Variants in GNPDA1 observed in about 807,000 individuals in gnomAD.
GNPDA1 encodes glucosamine-6-phosphate deaminase 1.
Under a neutral mutation model 28.5 loss-of-function variants are expected in GNPDA1, and 24 were observed. That is an observed-to-expected ratio of 0.84 (90% CI 0.61 to 1.19). The LOEUF is 1.19. Ranked by LOEUF, GNPDA1 falls within the 50% of genes most tolerant of loss-of-function variation. The pLI, the probability that GNPDA1 is intolerant of heterozygous loss-of-function variation, is 0.00. For synonymous variants in GNPDA1, 147 were observed against 139.3 expected, an observed-to-expected ratio of 1.06 and a Z score of -0.39; for missense variants, 264 against 367.3, an observed-to-expected ratio of 0.72 and a Z score of 2.30.
At chr5:142,004,819 T>C in intron 5 of GNPDA1, 113 bp downstream of exon 5, 1 of 663,766 alleles carries the variant, frequency 1.5e-6, no homozygotes, top group Non-Finnish European at 2.4e-6. Flanking sequence ...ATTTTAGCCT[T>C]ATTTACCATG....
At chr5:142,009,941 C>T (rs1442332863) in intron 2 of GNPDA1, among the ~76,000 whole-genome samples, 1 of 152,158 alleles carries the variant, frequency 6.6e-6, no homozygotes, top group East Asian at 1.9e-4. Context: ...GAGCTTGGAT[C>T]TGACTCTGCA....
In GNPDA1 at chr5:142,003,300, AT is replaced by A; in HGVS notation, c.595-39del. On this transcript the variant is annotated intron_variant, in intron 5 of 6. Transcript: ENST00000311337. The surrounding 1 kb of genome is among the most constrained non-coding windows in gnomAD (Gnocchi z 4.0). ...AAACAAGTCTGTGATGGAGGGGAGCATTCCAGACACCCTAAACAGTTGTAAG... is the reference window on the plus strand; with the variant it reads ...AAACAAGTCTGTGATGGAGGGGAGCATCCAGACACCCTAAACAGTTGTAAG... 7.2e-7 allele frequency: 1 copy of A among 1,383,128 alleles called. No homozygotes were observed. 85.7% of individuals were successfully genotyped at this position (1,383,128 alleles called of 1,614,324 possible). A position where few individuals can be genotyped will look rare whatever the true frequency, so the allele number is the denominator to read the frequency against.
At position 142,003,318 on chromosome 5, in the gene GNPDA1, A is replaced by C; in HGVS notation, c.595-56T>G. 1 of 1,162,360 alleles carries C rather than the reference A, an allele frequency of 8.6e-7. No homozygotes were observed. Among genetic ancestry groups the C allele is most frequent in the South Asian group, 1.4e-5 (1 of 71,040 alleles). 72.0% of individuals were successfully genotyped at this position (1,162,360 alleles called of 1,614,324 possible). A position where few individuals can be genotyped will look rare whatever the true frequency, so the allele number is the denominator to read the frequency against. ...GGGGAGCATTCCAGACACCCTAAAC[A>C]GTTGTAAGGATGATTGTTTTTCATA... is the stretch of plus-strand genomic sequence containing the variant. On this transcript the variant is annotated intron_variant, in intron 5 of 6. Coordinates refer to ENST00000311337, the MANE Select transcript of GNPDA1 (RefSeq NM_005471.5). The surrounding 1 kb of genome is among the most constrained non-coding windows in gnomAD (Gnocchi z 4.0).
chr5:142,006,186 C>A lies in GNPDA1; in HGVS notation c.367G>T (p.Glu123Ter). The change falls in exon 4 of 7, where the codon GAG (glutamate) becomes TAG (stop). Residue 123 changes from glutamate (E) to a stop codon, truncating the protein, a stop_gained. Coordinates refer to ENST00000311337, the MANE Select transcript of GNPDA1 (RefSeq NM_005471.5). LOFTEE classifies it high-confidence loss of function. ...ATCCCACCTGCAGCCTTGATCTTCT[C>A]TTCAAAGGCATCACATTCTGCCTGT... ...DLQAECDAFE[E>*]KIKAAGGIEL... is the part of the protein sequence containing the mutation. 3.1e-6 allele frequency: 5 copies of A among 1,614,156 alleles called. No homozygotes were observed. Among genetic ancestry groups the A allele is most frequent in the Non-Finnish European group, 4.2e-6 (5 of 1,179,994 alleles).
Position 142,004,986 on chromosome 5 carries a change from C to T in GNPDA1, c.540G>A (p.Lys180=). 1.2e-6 allele frequency: 2 copies of T among 1,613,378 alleles called. No homozygotes were observed. The highest frequency in any genetic ancestry group is 1.7e-6 in the Non-Finnish European group (2 of 1,179,412). The change falls in exon 5 of 7, where the codon AAG becomes AAA. Residue 180 remains lysine (K), a synonymous_variant. Coordinates refer to ENST00000311337, the MANE Select transcript of GNPDA1 (RefSeq NM_005471.5). ...CCACCGTCAAGGCCATGGTGGGCACCTTGGTGAGTTCTCCATCGAAGAACC... is the reference window on the plus strand; with the variant it reads ...CCACCGTCAAGGCCATGGTGGGCACTTTGGTGAGTTCTCCATCGAAGAACC... The part of the protein sequence containing the change: ...NARFFDGELT[K]VPTMALTVGV...
chr5:142,007,876 T>C lies in GNPDA1; in HGVS notation c.149A>G (p.Lys50Arg), dbSNP rs1755846955. 1 of 1,611,998 alleles carries C rather than the reference T, an allele frequency of 6.2e-7. No homozygotes were observed. Among genetic ancestry groups the C allele is most frequent in the African/African-American group, 1.3e-5 (1 of 74,884 alleles). The stretch of plus-strand genomic sequence containing the variant: ...ATTCTTATAGTATTCAATCAGCTTC[T>C]TGTAGCAGCCAAGTGGGGTACTCCC... ...PTGSTPLGCY[K>R]KLIEYYKNGD... Residue 50 changes from lysine to arginine, a missense_variant, in exon 3 of 7, where the codon AAG becomes AGG. Coordinates refer to ENST00000311337, the MANE Select transcript of GNPDA1 (RefSeq NM_005471.5).
rs573850711 is a variant in GNPDA1 at position 142,003,919 on chromosome 5, A to G, written c.595-657T>C. ...TCTATTCAAGGGCAGGAAAAGAGAAAAAAACTCAGTTCTGTAGATTTCCTT... is the reference window on the plus strand; with the variant it reads ...TCTATTCAAGGGCAGGAAAAGAGAAGAAAACTCAGTTCTGTAGATTTCCTT... On this transcript the variant is annotated intron_variant, in intron 5 of 6. Coordinates refer to ENST00000311337, the MANE Select transcript of GNPDA1 (RefSeq NM_005471.5). This position sits in a 1 kb window ranked among gnomAD's most constrained non-coding sequence, Gnocchi z 4.0. Among the ~76,000 whole-genome samples the G allele has an allele frequency of 6.6e-6, 1 of 152,346 alleles. No individual in the cohort carries two copies. Among genetic ancestry groups the G allele is most frequent in the South Asian group, 2.1e-4 (1 of 4,830 alleles).
At chr5:142,007,663 C>G in intron 3 of GNPDA1, 136 bp downstream of exon 3, 1 of 641,344 alleles carries the variant, frequency 1.6e-6, no homozygotes, top group African/African-American at 1.8e-5. Flanking sequence ...CTGAGTAAAC[C>G]AAGAGGTAAG....
In GNPDA1 at chr5:142,001,801, G is replaced by T; in HGVS notation, c.*228C>A. 1 of 366,812 alleles carries T rather than the reference G, an allele frequency of 2.7e-6. No individual in the cohort carries two copies. Among genetic ancestry groups the T allele is most frequent in the Non-Finnish European group, 4.9e-6 (1 of 205,370 alleles). 22.7% of individuals were successfully genotyped at this position (366,812 alleles called of 1,614,324 possible). On this transcript the variant is annotated 3_prime_UTR_variant, in exon 7 of 7. Transcript: ENST00000311337. ...ACCTGGGTTTGGCAGACATCAAAAT[G>T]ATGGAGTACATTTTGCAGATATTTT...
Position 142,003,655 on chromosome 5 carries a change from C to T in GNPDA1, c.595-393G>A, listed in dbSNP as rs1244158887. On this transcript the variant is annotated intron_variant, in intron 5 of 6. Coordinates refer to ENST00000311337, the MANE Select transcript of GNPDA1 (RefSeq NM_005471.5). The surrounding 1 kb of genome is among the most constrained non-coding windows in gnomAD (Gnocchi z 4.0). ...AGCACAGTTTGTGAAAGAGGGCTCC[C>T]AACCTGCACCACCAGCAAGGGCACT... Among the ~76,000 whole-genome samples, 1 of 152,206 alleles carries T rather than the reference C, an allele frequency of 6.6e-6. No individual in the cohort carries two copies. Among genetic ancestry groups the T allele is most frequent in the Non-Finnish European group, 1.5e-5 (1 of 68,036 alleles).
chr5:142,006,232 C>T lies in GNPDA1; in HGVS notation c.321G>A (p.Leu107=). The T allele has an allele frequency of 3.1e-6, 5 of 1,614,058 alleles. No individual in the cohort carries two copies. Among genetic ancestry groups the T allele is most frequent in the Non-Finnish European group, 4.2e-6 (5 of 1,179,880 alleles). ...CCTGTAGGTCGACTGCATTCCCATC[C>T]AGAATGTGGGTGTTTTCTGGGTGGA... The part of the protein sequence containing the change: ...IDIHPENTHI[L]DGNAVDLQAE... The change falls in exon 4 of 7, where the codon CTG becomes CTA. Residue 107 remains leucine (L), a synonymous_variant. Coordinates refer to ENST00000311337, the MANE Select transcript of GNPDA1 (RefSeq NM_005471.5).
At position 142,003,848 on chromosome 5, in the gene GNPDA1, T is replaced by C. The variant is rs932422235; in HGVS notation, c.595-586A>G. On this transcript the variant is annotated intron_variant, in intron 5 of 6. Transcript: ENST00000311337. This position sits in a 1 kb window ranked among gnomAD's most constrained non-coding sequence, Gnocchi z 4.0. Reference sequence around the variant, plus strand: ...ATAAAACAAAGGCACAGTCTCCACTTAACAGTTAAAATATCGAGAATGTAA... The same window carrying C: ...ATAAAACAAAGGCACAGTCTCCACTCAACAGTTAAAATATCGAGAATGTAA... 4.6e-5 allele frequency among the ~76,000 whole-genome samples: 7 copies of C among 152,248 alleles called. No individual in the cohort carries two copies. The highest frequency in any genetic ancestry group is 1.7e-4 in the African/African-American group (7 of 41,472).
Position 142,011,990 on chromosome 5 carries a change from C to T in GNPDA1, c.46G>A (p.Ala16Thr), listed in dbSNP as rs1423891885. 11 of 1,612,414 alleles carry T rather than the reference C, an allele frequency of 6.8e-6. No homozygotes were observed. Among genetic ancestry groups the T allele is most frequent in the Non-Finnish European group, 6.8e-6 (8 of 1,178,702 alleles). ...ATGCGGTTCCTGATGTATTTAGCCG[C>T]CCACTCGCTCGCCTGAGAATAGTGC... ...LEHYSQASEW[A>T]AKYIRNRIIQ... Residue 16 changes from alanine (A) to threonine (T), a missense_variant, in exon 2 of 7, where the codon GCG (alanine) becomes ACG (threonine). By Grantham distance (58) the Ala-to-Thr change is moderately conservative. Coordinates refer to ENST00000311337, the MANE Select transcript of GNPDA1 (RefSeq NM_005471.5).
In GNPDA1 at chr5:142,007,759, T is replaced by C. The variant is rs370563217; in HGVS notation, c.226+40A>G. ...GCCAATGAGAGGAGGAGCATCACTC[T>C]CCTAGAATCAGGAAAGAACCTTGAA... On this transcript the variant is annotated intron_variant, in intron 3 of 6. Coordinates refer to ENST00000311337, the MANE Select transcript of GNPDA1 (RefSeq NM_005471.5). The C allele has an allele frequency of 2.2e-5, 27 of 1,229,142 alleles. No homozygotes were observed. The African/African-American group carries it at 4.0e-4, about 18-fold the overall frequency. 76.1% of individuals were successfully genotyped at this position (1,229,142 alleles called of 1,614,324 possible). A position where few individuals can be genotyped will look rare whatever the true frequency, so the allele number is the denominator to read the frequency against.
At position 142,006,173 on chromosome 5, in the gene GNPDA1, G is replaced by C. The variant is rs1755799647; in HGVS notation, c.380C>G (p.Ala127Gly). ...ECDAFEEKIK[A>G]AGGIELFVGG... Reference sequence around the variant, plus strand: ...AACAAATAGCTCGATCCCACCTGCAGCCTTGATCTTCTCTTCAAAGGCATC... The same window carrying C: ...AACAAATAGCTCGATCCCACCTGCACCCTTGATCTTCTCTTCAAAGGCATC... Residue 127 changes from alanine to glycine, a missense_variant, in exon 4 of 7, where the codon GCT becomes GGT. Transcript: ENST00000311337. The C allele has an allele frequency of 6.2e-7, 1 of 1,614,040 alleles. No individual in the cohort carries two copies. Among genetic ancestry groups the C allele is most frequent in the African/African-American group, 1.3e-5 (1 of 75,066 alleles).
chr5:142,008,949 A>G (rs1025449768), intron 2 of GNPDA1, among the ~76,000 whole-genome samples: 9 of 152,162 alleles, frequency 5.9e-5, no homozygotes, highest in African/African-American at 1.4e-4. Flanking sequence ...GTATGATGGT[A>G]TCATGGTTGT....
rs1287688972 is a variant in GNPDA1, at chr5:142,003,824, TAAAAC to T, written c.595-567_595-563del. ...GGTGATGGTTTTTGTTAATATATAATAAAACAAAGGCACAGTCTCCACTTAACAGT... is the reference window on the plus strand; with the variant it reads ...GGTGATGGTTTTTGTTAATATATAATAAAGGCACAGTCTCCACTTAACAGT... On this transcript the variant is annotated intron_variant, in intron 5 of 6. Transcript: ENST00000311337. The surrounding 1 kb of genome is among the most constrained non-coding windows in gnomAD (Gnocchi z 4.0). 6.6e-6 allele frequency among the ~76,000 whole-genome samples: 1 copy of T among 152,136 alleles called. No homozygotes were observed. The highest frequency in any genetic ancestry group is 2.4e-5 in the African/African-American group (1 of 41,416).
Position 142,012,001 on chromosome 5 carries a change from G to C in GNPDA1, c.35C>G (p.Ala12Gly), listed in dbSNP as rs1387692675. Residue 12 changes from alanine to glycine, a missense_variant, in exon 2 of 7, where the codon GCG becomes GGG. Ala to Gly is a moderately conservative substitution (Grantham distance 60). Coordinates refer to ENST00000311337, the MANE Select transcript of GNPDA1 (RefSeq NM_005471.5). Reference protein sequence around the residue: ...KLIILEHYSQASEWAAKYIRN... With the variant: ...KLIILEHYSQGSEWAAKYIRN... Reference sequence around the variant, plus strand: ...GATGTATTTAGCCGCCCACTCGCTCGCCTGAGAATAGTGCTCCAGGATGAT... The same window carrying C: ...GATGTATTTAGCCGCCCACTCGCTCCCCTGAGAATAGTGCTCCAGGATGAT... The C allele has an allele frequency of 6.2e-7, 1 of 1,610,928 alleles. No individual in the cohort carries two copies. Among genetic ancestry groups the C allele is most frequent in the Admixed American group, 1.7e-5 (1 of 59,972 alleles).
Position 142,003,747 on chromosome 5 carries a change from A to T in GNPDA1, c.595-485T>A, listed in dbSNP as rs111251610. ...TGAATCCCAGAAAGGTTGCCCCATTATCTGGTCACTTTCAGTTCACAGCAT... is the reference window on the plus strand; with the variant it reads ...TGAATCCCAGAAAGGTTGCCCCATTTTCTGGTCACTTTCAGTTCACAGCAT... On this transcript the variant is annotated intron_variant, in intron 5 of 6. Transcript: ENST00000311337. The surrounding 1 kb of genome is among the most constrained non-coding windows in gnomAD (Gnocchi z 4.0). Among the ~76,000 whole-genome samples, 3,475 of 152,322 alleles carry T rather than the reference A, an allele frequency of 0.023. 130 individuals are homozygous for T. The highest frequency in any genetic ancestry group is 0.078 in the African/African-American group (3,234 of 41,552).
Sources: allele counts gnomAD v4.1 joint callset (sites outside exome capture counted in the v4.1 genomes callset), GRCh38; gene constraint gnomAD v4.1.1; non-coding constraint Gnocchi (gnomAD v3.1); transcripts MANE v1.5; gene names NCBI Gene and HGNC (gene_info 2026-07-23, HGNC 2026-07-21).